SIGIRR: variants seen among roughly 807,000 people sequenced by gnomAD.
The protein encoded by SIGIRR is single Ig IL-1-related receptor.
In SIGIRR, 41 loss-of-function variants were observed where a neutral mutation model predicts 45.6. That is an observed-to-expected ratio of 0.90 (90% CI 0.70 to 1.17). The LOEUF (loss-of-function observed/expected upper bound fraction) is 1.17. SIGIRR is among the 50% of genes most tolerant of loss of function. The pLI, the probability that SIGIRR is intolerant of heterozygous loss-of-function variation, is 0.00. For missense variants in SIGIRR, 599 were observed against 539.6 expected (o/e 1.11, Z -1.09); for synonymous variants, 298 against 239.0 (o/e 1.25, Z -2.28).
chr11:415,740 G>T (rs1847864571), upstream of SIGIRR, among the ~76,000 whole-genome samples: 1 of 152,210 alleles, frequency 6.6e-6, no homozygotes, highest in Non-Finnish European at 1.5e-5. This position sits in a 1 kb window ranked among gnomAD's most constrained non-coding sequence, Gnocchi z 6.6. Context: ...CGAGGCTCCT[G>T]GCTCAGAGCA....
intron 1 of SIGIRR, among the ~76,000 whole-genome samples, chr11:410,744 G>A (rs1321414094): frequency 3.6e-5 from 3 of 83,068 alleles, no homozygotes; most frequent in Non-Finnish European, 7.6e-5. Context: ...GGATGCAGTC[G>A]GGGGGTGCCC....
In SIGIRR at chr11:406,557, C is replaced by G; in HGVS notation, c.880-19G>C. On this transcript the variant is annotated intron_variant, in intron 8 of 9. Transcript: ENST00000431843. ...AAGGAGTCTGGGGGCCAGGTCGGGGCGGTTTGCAGGTGTGAACACCTCGGA... is the reference window on the plus strand; with the variant it reads ...AAGGAGTCTGGGGGCCAGGTCGGGGGGGTTTGCAGGTGTGAACACCTCGGA... The G allele has an allele frequency of 6.3e-7, 1 of 1,598,268 alleles. No individual in the cohort carries two copies. Among genetic ancestry groups the G allele is most frequent in the African/African-American group, 1.3e-5 (1 of 74,808 alleles).
rs746133779 is a variant in SIGIRR, at chr11:406,017, T to G, written c.1112A>C (p.His371Pro). ...CTCTCCCAGCGAGACCCCACTGGTG[T>G]GCGGTGGAGCTGATGGCTCTCCAAA... ...PVFGEPSAPP[H>P]TSGVSLGESR... The change falls in exon 10 of 10, where the codon CAC becomes CCC. Residue 371 changes from histidine to proline, a missense_variant. His to Pro is a moderately conservative substitution (Grantham distance 77, BLOSUM62 -2). Coordinates refer to ENST00000431843, the MANE Select transcript of SIGIRR (RefSeq NM_001135054.2). The G allele has an allele frequency of 5.6e-6, 9 of 1,608,474 alleles. No homozygotes were observed. Among genetic ancestry groups the G allele is most frequent in the Non-Finnish European group, 6.8e-6 (8 of 1,178,136 alleles).
chr11:407,116 A>T lies in SIGIRR; in HGVS notation c.674T>A (p.Ile225Asn). 7.9e-6 allele frequency: 12 copies of T among 1,526,562 alleles called. No homozygotes were observed. In the Admixed American group the frequency reaches 9.6e-5, roughly 12 times the overall value. The allele number at this position is 1,526,562 out of a possible 1,614,324, so 94.6% of individuals were successfully genotyped here. A position where few individuals can be genotyped will look rare whatever the true frequency, so the allele number is the denominator to read the frequency against. The change falls in exon 7 of 10, where the codon ATC (isoleucine) becomes AAC (asparagine). Residue 225 changes from isoleucine to asparagine, a missense_variant. By Grantham distance (149) the Ile-to-Asn change is moderately radical. Transcript: ENST00000431843. ...CAGGAAGGCGTCCGAAAGCACCACG[A>T]TGAGGCGTCGGCAGCGGCTCAGGTT... ...LVNLSRCRRL[I>N]VVLSDAFLSR...
chr11:406,540 TGG>T lies in SIGIRR; in HGVS notation c.880-4_880-3del. ...TTTCCAAAAATCGGAGGAAGGAGTC[TGG>T]GGGCCAGGTCGGGGCGGTTTGCAGG... is the stretch of plus-strand genomic sequence containing the variant. On this transcript the variant is annotated splice_region_variant and splice_polypyrimidine_tract_variant and intron_variant, in intron 8 of 9. Transcript: ENST00000431843. The T allele has an allele frequency of 1.2e-6, 2 of 1,607,318 alleles. No individual in the cohort carries two copies. Among genetic ancestry groups the T allele is most frequent in the Non-Finnish European group, 1.7e-6 (2 of 1,176,002 alleles).
chr11:406,135 T>TG, intron 9 of SIGIRR, 76 bp from the exon 10 acceptor site: 1 of 1,539,306 alleles, frequency 6.5e-7, no homozygotes. Context: ...GGGCTGCCCC[T>TG]GCTCACCCCC....
intron 3 of SIGIRR, among the ~76,000 whole-genome samples, chr11:408,479 C>G (rs1564890220): frequency 6.6e-6 from 1 of 152,284 alleles, no homozygotes; most frequent in South Asian, 2.1e-4. Context: ...TGCTGACACC[C>G]GTAGCCCTGG....
intron 1 of SIGIRR, among the ~76,000 whole-genome samples, chr11:413,949 TA>T (rs1847794407): frequency 1.0e-5 from 1 of 96,422 alleles, no homozygotes; most frequent in Admixed American, 1.3e-4. Context: ...CTCTCCTCCC[TA>T]CCTTTCCCTG....
At position 405,858 on chromosome 11, in the gene SIGIRR, C is replaced by T. The variant is rs758787950; in HGVS notation, c.*38G>A. Reference sequence around the variant, plus strand: ...AGAGGAGCGACGCCGCTGCCCTGGCCCCCGCTGTCCCTATGATCCTGCACT... The same window carrying T: ...AGAGGAGCGACGCCGCTGCCCTGGCTCCCGCTGTCCCTATGATCCTGCACT... On this transcript the variant is annotated 3_prime_UTR_variant, in exon 10 of 10. Coordinates refer to ENST00000431843, the MANE Select transcript of SIGIRR (RefSeq NM_001135054.2). The T allele has an allele frequency of 1.3e-6, 2 of 1,550,910 alleles. No homozygotes were observed. The highest frequency in any genetic ancestry group is 3.7e-5 in the Admixed American group (2 of 54,488).
At chr11:406,648 A>G in intron 8 of SIGIRR, 110 bp from the exon 9 acceptor site, 1 of 1,439,124 alleles carries the variant, frequency 6.9e-7, no homozygotes, top group Non-Finnish European at 9.1e-7. Context: ...GCCCTGCGAC[A>G]GCTATTCCGT....
intron 1 of SIGIRR, among the ~76,000 whole-genome samples, chr11:413,981 CCCCTGCACCCTCTCCCCTCCCCACCTTT>C (rs1847796731): frequency 3.9e-5 from 5 of 129,288 alleles, no homozygotes; most frequent in African/African-American, 6.1e-5. Flanking sequence ...TGCCTACCTT[CCCCTGCACCCTCTCCCCTCCCCACCTTT>C]CCCTGCACCC....
At position 406,414 on chromosome 11, in the gene SIGIRR, C is replaced by G. The variant is rs781576128; in HGVS notation, c.1004G>C (p.Arg335Pro). 2.2e-5 allele frequency: 36 copies of G among 1,612,624 alleles called. No homozygotes were observed. Among genetic ancestry groups the G allele is most frequent in the Non-Finnish European group, 3.0e-5 (35 of 1,179,916 alleles). Residue 335 changes from arginine (R) to proline (P), a missense_variant, in exon 9 of 10, where the codon CGA (arginine) becomes CCA (proline). Transcript: ENST00000431843. ...QDDKDPMLIL[R>P]GRVPEGRALD... ...GGCCCGGCCCTCAGGGACTCGGCCTCGAAGAATCAGCATGGGGTCCTTGTC... is the reference window on the plus strand; with the variant it reads ...GGCCCGGCCCTCAGGGACTCGGCCTGGAAGAATCAGCATGGGGTCCTTGTC...
chr11:406,910 G>A lies in SIGIRR; in HGVS notation c.812C>T (p.Pro271Leu). 4 of 1,592,766 alleles carry A rather than the reference G, an allele frequency of 2.5e-6. No individual in the cohort carries two copies. Among genetic ancestry groups the A allele is most frequent in the Non-Finnish European group, 3.4e-6 (4 of 1,174,618 alleles). ...FEGQRRDPAH[P>L]ALRLLRQHRH... ...GTGCTGGCGCAGCAGGCGGAGCGCC[G>A]GGTGCGCGGGGTCGCGCCTCTGGCC... Residue 271 changes from proline to leucine, a missense_variant, in exon 8 of 10, where the codon CCG becomes CTG. Coordinates refer to ENST00000431843, the MANE Select transcript of SIGIRR (RefSeq NM_001135054.2).
chr11:406,901 C>A lies in SIGIRR; in HGVS notation c.821G>T (p.Arg274Leu), dbSNP rs1358327083. ...QRRDPAHPALRLLRQHRHLVT... is the reference protein window; with the variant it reads ...QRRDPAHPALLLLRQHRHLVT... ...CAGGTGGCGGTGCTGGCGCAGCAGG[C>A]GGAGCGCCGGGTGCGCGGGGTCGCG... is the stretch of plus-strand genomic sequence containing the variant. Residue 274 changes from arginine to leucine, a missense_variant, in exon 8 of 10, where the codon CGC becomes CTC. By Grantham distance (102) the Arg-to-Leu change is moderately radical. Coordinates refer to ENST00000431843, the MANE Select transcript of SIGIRR (RefSeq NM_001135054.2). 6.3e-7 allele frequency: 1 copy of A among 1,588,784 alleles called. No individual in the cohort carries two copies. Among genetic ancestry groups the A allele is most frequent in the Admixed American group, 1.7e-5 (1 of 57,454 alleles).
At chr11:406,114 C>G in intron 9 of SIGIRR, 55 bp from the exon 10 acceptor site, 3 of 1,542,584 alleles carry the variant, frequency 1.9e-6, no homozygotes, top group Non-Finnish European at 2.6e-6. Flanking sequence ...TTGGCCCAGA[C>G]CCACTGCCAG....
chr11:407,135 T>C lies in SIGIRR; in HGVS notation c.655A>G (p.Ser219Gly). 2 of 1,543,800 alleles carry C rather than the reference T, an allele frequency of 1.3e-6. No homozygotes were observed. The highest frequency in any genetic ancestry group is 1.5e-5 in the African/African-American group (1 of 67,818). The change falls in exon 7 of 10, where the codon AGC becomes GGC. Residue 219 changes from serine to glycine, a missense_variant. Transcript: ENST00000431843. The part of the protein sequence containing the change: ...EPSADLLVNL[S>G]RCRRLIVVLS... ...ACCACGATGAGGCGTCGGCAGCGGC[T>C]CAGGTTCACCAAGAGGTCGGCGGAG...
Position 409,728 on chromosome 11 carries a change from G to A in SIGIRR, c.7+140C>T, listed in dbSNP as rs982200487. On this transcript the variant is annotated intron_variant, in intron 2 of 9. Coordinates refer to ENST00000431843, the MANE Select transcript of SIGIRR (RefSeq NM_001135054.2). ...CAGGGCCAAGGGCCCAGTGGGAGGGGTGAGCAGGGGCCTTTGTACCCCCGG... is the reference window on the plus strand; with the variant it reads ...CAGGGCCAAGGGCCCAGTGGGAGGGATGAGCAGGGGCCTTTGTACCCCCGG... 11 of 962,336 alleles carry A rather than the reference G, an allele frequency of 1.1e-5. No homozygotes were observed. The East Asian group carries it at 3.6e-4, about 32-fold the overall frequency. The allele number at this position is 962,336 out of a possible 1,614,324, so 59.6% of individuals were successfully genotyped here. A position where few individuals can be genotyped will look rare whatever the true frequency, so the allele number is the denominator to read the frequency against.
rs1847302079 is a variant in SIGIRR, at chr11:406,390, G to A, written c.1028C>T (p.Ala343Val). The A allele has an allele frequency of 3.1e-6, 5 of 1,612,670 alleles. No homozygotes were observed. Among genetic ancestry groups the A allele is most frequent in the Non-Finnish European group, 4.2e-6 (5 of 1,179,868 alleles). The change falls in exon 9 of 10, where the codon GCC (alanine) becomes GTC (valine). Residue 343 changes from alanine (A) to valine (V), a missense_variant. Physicochemically the swap from Ala to Val is moderately conservative, Grantham distance 64. Transcript: ENST00000431843. The part of the protein sequence containing the change: ...ILRGRVPEGR[A>V]LDSEVDPDPE... ...GTCCGGGTCCACCTCTGAGTCCAGG[G>A]CCCGGCCCTCAGGGACTCGGCCTCG...
At chr11:408,030 T>A in intron 4 of SIGIRR, 43 bp downstream of exon 4, 1 of 1,610,542 alleles carries the variant, frequency 6.2e-7, no homozygotes, top group African/African-American at 1.3e-5. Context: ...CCTCACTAGG[T>A]CTAGGTCCCC....
Sources: allele counts gnomAD v4.1 joint callset (sites outside exome capture counted in the v4.1 genomes callset), GRCh38; gene constraint gnomAD v4.1.1; non-coding constraint Gnocchi (gnomAD v3.1); transcripts MANE v1.5; gene names NCBI Gene and HGNC (gene_info 2026-07-23, HGNC 2026-07-21).